DCC: variants seen among roughly 807,000 people sequenced by gnomAD.
DCC encodes the protein DCC netrin 1 receptor.
DCC carries 58 observed loss-of-function variants against 172.5 expected under a neutral mutation model. The observed-to-expected ratio is 0.34, with a 90% CI of 0.27 to 0.42. The LOEUF (loss-of-function observed/expected upper bound fraction) is 0.42, where lower values mean the gene tolerates loss of function less well. Ranked by LOEUF, DCC falls within the 10% of genes least tolerant of loss-of-function variation. The pLI, the probability that DCC is intolerant of heterozygous loss-of-function variation, is 1.00. For missense variants in DCC, 1,740 were observed against 1,791.0 expected, an observed-to-expected ratio of 0.97 and a Z score of 0.51; for synonymous variants, 709 against 644.5, an observed-to-expected ratio of 1.10 and a Z score of -1.52.
chr18:52,727,713 G>A (rs1034921640), intron 1 of DCC, among the ~76,000 whole-genome samples: 4 of 152,138 alleles, frequency 2.6e-5, no homozygotes, highest in African/African-American at 9.7e-5. Context: ...TTCATGAAGT[G>A]TAACCAAATA....
chr18:53,392,908 G>A (rs942264789), intron 17 of DCC, among the ~76,000 whole-genome samples: 5 of 152,150 alleles, frequency 3.3e-5, no homozygotes, highest in African/African-American at 1.2e-4. Context: ...TACTGATTGG[G>A]AGTGAAGAAG....
At chr18:52,975,977 A>G (rs2041110568) in intron 5 of DCC, among the ~76,000 whole-genome samples, 2 of 152,192 alleles carry the variant, frequency 1.3e-5, no homozygotes, top group South Asian at 2.1e-4. Flanking sequence ...TCCCACCAAC[A>G]GTGTGTAAAC....
chr18:52,602,315 T>A (rs1598947740), intron 1 of DCC, among the ~76,000 whole-genome samples: 1 of 152,032 alleles, frequency 6.6e-6, no homozygotes, highest in Non-Finnish European at 1.5e-5. Flanking sequence ...ACAATGTAGA[T>A]AGCTGATCAT....
chr18:52,550,083 A>C (rs1396672755), intron 1 of DCC, among the ~76,000 whole-genome samples: 1 of 152,084 alleles, frequency 6.6e-6, no homozygotes, highest in East Asian at 1.9e-4. Flanking sequence ...TGTTGATAGT[A>C]TGTACCCTTT....
intron 26 of DCC, among the ~76,000 whole-genome samples, chr18:53,491,525 G>A (rs185475386): frequency 5.3e-5 from 8 of 151,506 alleles, no homozygotes; most frequent in East Asian, 1.9e-4. Flanking sequence ...TCCAATCCCC[G>A]AGAGGCCTTG....
intron 5 of DCC, among the ~76,000 whole-genome samples, chr18:53,044,540 C>A (rs1339347315): frequency 1.3e-5 from 2 of 151,600 alleles, no homozygotes. Flanking sequence ...CTCTTTATAG[C>A]TCCCAGTTGA....
At chr18:52,862,265 G>A (rs941853986) in intron 2 of DCC, among the ~76,000 whole-genome samples, 8 of 151,804 alleles carry the variant, frequency 5.3e-5, no homozygotes, top group East Asian at 1.9e-4. Flanking sequence ...TTTTAGATTC[G>A]AAATTAAATA....
chr18:52,385,451 T>C (rs1327779840), intron 1 of DCC, among the ~76,000 whole-genome samples: 1 of 151,994 alleles, frequency 6.6e-6, no homozygotes, highest in Non-Finnish European at 1.5e-5. Context: ...TATTTTTGTA[T>C]GCCTCAGCCT....
chr18:52,440,628 G>A (rs181584500), intron 1 of DCC, among the ~76,000 whole-genome samples: 99 of 152,138 alleles, frequency 6.5e-4, no homozygotes, highest in Non-Finnish European at 7.2e-4. Context: ...TTTCTTAAAC[G>A]TAAGGTTTGA....
chr18:52,369,187 G>T (rs1036528225), intron 1 of DCC, among the ~76,000 whole-genome samples: 1 of 152,168 alleles, frequency 6.6e-6, no homozygotes, highest in African/African-American at 2.4e-5. Context: ...CTAAGAATGT[G>T]TGCTAGGTGC....
At chr18:53,352,076 G>T (rs2057818933) in intron 15 of DCC, among the ~76,000 whole-genome samples, 1 of 151,980 alleles carries the variant, frequency 6.6e-6, no homozygotes, top group Non-Finnish European at 1.5e-5. Context: ...ATCAGAACTT[G>T]CAGATAGAGC....
chr18:53,050,664 G>A (rs1028007370), intron 5 of DCC, among the ~76,000 whole-genome samples: 1 of 152,024 alleles, frequency 6.6e-6, no homozygotes, highest in Non-Finnish European at 1.5e-5. Flanking sequence ...TCAGATCAAG[G>A]AGCTTTTGGA....
chr18:53,247,359 T>G, intron 12 of DCC, among the ~76,000 whole-genome samples: 1 of 152,008 alleles, frequency 6.6e-6, no homozygotes, highest in Non-Finnish European at 1.5e-5. Context: ...AGACATCCCA[T>G]AAAATGTTGT....
Position 52,412,906 on chromosome 18 carries a change from CAAAT to C in DCC, c.91+72031_91+72034del, listed in dbSNP as rs1986889646. On this transcript the variant is annotated intron_variant, in intron 1 of 28. Coordinates refer to ENST00000442544, the MANE Select transcript of DCC (RefSeq NM_005215.4). ...GAACAATGTGGAATAAAAATTGTAA[CAAAT>C]AATTTTAGAAGACCGGATTCATCCA... 2.0e-5 allele frequency among the ~76,000 whole-genome samples: 3 copies of C among 152,184 alleles called. No individual in the cohort carries two copies. In the South Asian group the frequency reaches 6.2e-4, roughly 32 times the overall value.
intron 15 of DCC, among the ~76,000 whole-genome samples, chr18:53,370,165 T>G (rs1338026292): frequency 2.6e-5 from 4 of 151,854 alleles, no homozygotes; most frequent in African/African-American, 7.2e-5. Flanking sequence ...TTTTCTATTG[T>G]GATTTAGTCT....
chr18:52,549,754 A>G (rs1822208214), intron 1 of DCC, among the ~76,000 whole-genome samples: 1 of 152,066 alleles, frequency 6.6e-6, no homozygotes, highest in Non-Finnish European at 1.5e-5. Context: ...GATATTTAGA[A>G]TATAAACTAT....
intron 5 of DCC, among the ~76,000 whole-genome samples, chr18:53,009,528 T>C (rs879747199): frequency 6.6e-6 from 1 of 151,824 alleles, no homozygotes; most frequent in Non-Finnish European, 1.5e-5. Flanking sequence ...GGCAAGAAAT[T>C]GTTAAAACTC....
chr18:53,039,588 G>A (rs1189879358), intron 5 of DCC, among the ~76,000 whole-genome samples: 1 of 151,968 alleles, frequency 6.6e-6, no homozygotes, highest in Admixed American at 6.6e-5. Flanking sequence ...CTGTGGCAGA[G>A]GTTGGAAAGA....
At chr18:52,838,935 T>C (rs1183717239) in intron 2 of DCC, among the ~76,000 whole-genome samples, 1 of 152,178 alleles carries the variant, frequency 6.6e-6, no homozygotes, top group Non-Finnish European at 1.5e-5. Context: ...TTAAGCTGGT[T>C]CTGGGAAAAG....
Sources: allele counts gnomAD v4.1 joint callset (sites outside exome capture counted in the v4.1 genomes callset), GRCh38; gene constraint gnomAD v4.1.1; transcripts MANE v1.5; gene names NCBI Gene and HGNC (gene_info 2026-07-23, HGNC 2026-07-21).